GPR161: variants seen among roughly 807,000 people sequenced by gnomAD.
GPR161 encodes the protein G protein-coupled receptor 161.
In GPR161, 25 loss-of-function variants were observed where a neutral mutation model predicts 39.2. That is an observed-to-expected ratio of 0.64 (90% confidence interval 0.47 to 0.89). The LOEUF (loss-of-function observed/expected upper bound fraction) is 0.89, where lower values mean the gene tolerates loss of function less well. Ranked by LOEUF, GPR161 falls within the 40% of genes least tolerant of loss-of-function variation. The pLI, the probability that GPR161 is intolerant of heterozygous loss-of-function variation, is 0.00. For missense variants in GPR161, 547 were observed against 677.8 expected (o/e 0.81, Z 2.14); for synonymous variants, 286 against 276.6 (o/e 1.03, Z -0.34).
In GPR161 at chr1:168,104,693, T is replaced by C. The variant is rs1467071871; in HGVS notation, c.158A>G (p.Tyr53Cys). ...GAGGGTGAGGAGGTAGGACTTCTTGTACAAGGTGACCACGATGACCAGGTT... is the reference window on the plus strand; with the variant it reads ...GAGGGTGAGGAGGTAGGACTTCTTGCACAAGGTGACCACGATGACCAGGTT... The part of the protein sequence containing the change: ...LGNLVIVVTL[Y>C]KKSYLLTLSN... The change falls in exon 2 of 6, where the codon TAC becomes TGC. Residue 53 changes from tyrosine (Y) to cysteine (C), a missense_variant. Coordinates refer to ENST00000682931, the MANE Select transcript of GPR161 (RefSeq NM_001375883.1). The C allele has an allele frequency of 2.5e-6, 4 of 1,613,764 alleles. No individual in the cohort carries two copies. The highest frequency in any genetic ancestry group is 4.5e-5 in the East Asian group (2 of 44,880).
chr1:168,115,514 C>G (rs1025626144), intron 1 of GPR161, among the ~76,000 whole-genome samples: 1 of 152,122 alleles, frequency 6.6e-6, no homozygotes, highest in Admixed American at 6.5e-5. Context: ...CTCTTCACCC[C>G]CAGAGTGTGC....
upstream of GPR161, chr1:168,136,935 T>C (rs1410988027): frequency 3.2e-4 from 310 of 969,672 alleles, no homozygotes; most frequent in Non-Finnish European, 3.5e-4. Flanking sequence ...CCAAGTAACT[T>C]TGCGGCGCCC....
Position 168,084,964 on chromosome 1 carries a change from G to A in GPR161, c.*567C>T. ...ACTGAGGACCGCTCCGAAGCGCTCT[G>A]CTCCTGGGTGCTTTCTCTGCGGACC... On this transcript the variant is annotated 3_prime_UTR_variant, in exon 6 of 6. Transcript: ENST00000682931. 1 of 456,308 alleles carries A rather than the reference G, an allele frequency of 2.2e-6. No individual in the cohort carries two copies. Among genetic ancestry groups the A allele is most frequent in the Non-Finnish European group, 4.4e-6 (1 of 226,986 alleles). The allele number at this position is 456,308 out of a possible 1,614,324, so 28.3% of individuals were successfully genotyped here.
At chr1:168,100,232 A>C (rs920770053) in intron 2 of GPR161, among the ~76,000 whole-genome samples, 12 of 150,860 alleles carry the variant, frequency 8.0e-5, no homozygotes, top group African/African-American at 2.9e-4. Context: ...AAAAAAAAAA[A>C]AGGATATAGA....
At chr1:168,106,593 T>C (rs1344272863) in intron 1 of GPR161, among the ~76,000 whole-genome samples, 1 of 152,188 alleles carries the variant, frequency 6.6e-6, no homozygotes, top group East Asian at 1.9e-4. Flanking sequence ...TCTCAAAACA[T>C]TTTCTTGTAG....
At position 168,136,793 on chromosome 1, in the gene GPR161, G is replaced by A. The variant is rs1230258959; in HGVS notation, c.-99C>T. 3 of 983,554 alleles carry A rather than the reference G, an allele frequency of 3.1e-6. No homozygotes were observed. Among genetic ancestry groups the A allele is most frequent in the Middle Eastern group, 5.2e-4 (1 of 1,934 alleles). The allele number at this position is 983,554 out of a possible 1,614,324, so 60.9% of individuals were successfully genotyped here. ...CCCGGCCCAGCCGCCTCCCCGCCTC[G>A]GCCACCGCCGCCGCCGCTTCCTTCC... On this transcript the variant is annotated 5_prime_UTR_variant, in exon 1 of 6. Transcript: ENST00000682931.
chr1:168,100,660 A>T (rs763051057), intron 2 of GPR161, among the ~76,000 whole-genome samples: 1 of 152,178 alleles, frequency 6.6e-6, no homozygotes, highest in African/African-American at 2.4e-5. Flanking sequence ...CAGAAACAGA[A>T]TCTAAGCCAA....
At chr1:168,095,161 G>A (rs946941562) in intron 3 of GPR161, among the ~76,000 whole-genome samples, 1 of 152,144 alleles carries the variant, frequency 6.6e-6, no homozygotes, top group African/African-American at 2.4e-5. Context: ...CAAATTAAGG[G>A]GCAGTCTACA....
rs1375000764 is a variant in GPR161, at chr1:168,110,533, GAAAGGAAAGAAAAGAAAAGA to G, written c.-44-5659_-44-5640del. On this transcript the variant is annotated intron_variant, in intron 1 of 5. Coordinates refer to ENST00000682931, the MANE Select transcript of GPR161 (RefSeq NM_001375883.1). ...AGAAAAAAAAAAAAACGAAAGAAAG[GAAAGGAAAGAAAAGAAAAGA>G]AAAGAAAAGAAAAGAAAAGAAAAGA... 9.7e-3 allele frequency among the ~76,000 whole-genome samples: 591 copies of G among 61,160 alleles called. 28 individuals are homozygous for G. Among genetic ancestry groups the G allele is most frequent in the African/African-American group, 0.041 (538 of 13,026 alleles). 40.1% of individuals were successfully genotyped at this position (61,160 alleles called of 152,430 possible).
intron 1 of GPR161, chr1:168,134,769 ACCTG>A (rs1215407396): frequency 1.1e-5 from 8 of 704,344 alleles, no homozygotes; most frequent in African/African-American, 3.5e-5. Context: ...GCCCCACCGC[ACCTG>A]CAGCTGCCCC....
chr1:168,126,043 T>C (rs1698564066), intron 1 of GPR161, among the ~76,000 whole-genome samples: 3 of 152,214 alleles, frequency 2.0e-5, no homozygotes, highest in African/African-American at 7.2e-5. Flanking sequence ...GAAGACCAAA[T>C]AAATGAGGTT....
Position 168,122,158 on chromosome 1 carries a change from T to C in GPR161, c.-45+14581A>G, listed in dbSNP as rs1698227199. On this transcript the variant is annotated intron_variant, in intron 1 of 5. Coordinates refer to ENST00000682931, the MANE Select transcript of GPR161 (RefSeq NM_001375883.1). ...TTGAGTCTTTCACCTCTCAAGCTGC[T>C]CTTCCTGTGTTCCTCCTCATTCCAC... is the stretch of plus-strand genomic sequence containing the variant. Among the ~76,000 whole-genome samples the C allele has an allele frequency of 2.0e-5, 3 of 152,110 alleles. No homozygotes were observed. The South Asian group carries it at 6.2e-4, about 32-fold the overall frequency.
chr1:168,119,768 C>G (rs1698007471), intron 1 of GPR161, among the ~76,000 whole-genome samples: 2 of 152,148 alleles, frequency 1.3e-5, no homozygotes, highest in Non-Finnish European at 2.9e-5. Flanking sequence ...CCATGCTGTT[C>G]TCATGATAGT....
chr1:168,103,497 T>C (rs1219315999), intron 2 of GPR161, among the ~76,000 whole-genome samples: 1 of 151,902 alleles, frequency 6.6e-6, no homozygotes, highest in East Asian at 1.9e-4. Context: ...GCCTCCCCAG[T>C]GCAGCCACAA....
chr1:168,080,264 C>G lies in GPR161; in HGVS notation c.*5267G>C, dbSNP rs561754658. The stretch of plus-strand genomic sequence containing the variant: ...CCTAATAAAGCCCTGCTGGCCTGTT[C>G]TGTGATACTGATGACTCTTAACTAT... On this transcript the variant is annotated 3_prime_UTR_variant, in exon 6 of 6. Coordinates refer to ENST00000682931, the MANE Select transcript of GPR161 (RefSeq NM_001375883.1). The G allele has an allele frequency of 6.6e-6, 1 of 152,280 alleles. No homozygotes were observed. The highest frequency in any genetic ancestry group is 1.5e-5 in the Non-Finnish European group (1 of 68,032). The allele number at this position is 152,280 out of a possible 1,614,324, so 9.4% of individuals were successfully genotyped here. A position where few individuals can be genotyped will look rare whatever the true frequency, so the allele number is the denominator to read the frequency against.
chr1:168,115,486 T>C (rs1355474392), intron 1 of GPR161, among the ~76,000 whole-genome samples: 5 of 152,056 alleles, frequency 3.3e-5, no homozygotes. Context: ...ACTCTCCTCA[T>C]ATGGAAGCAT....
Position 168,082,967 on chromosome 1 carries a change from A to G in GPR161, c.*2564T>C, listed in dbSNP as rs1694178353. 1 of 152,184 alleles carries G rather than the reference A, an allele frequency of 6.6e-6. No individual in the cohort carries two copies. Among genetic ancestry groups the G allele is most frequent in the Admixed American group, 6.5e-5 (1 of 15,272 alleles). 9.4% of individuals were successfully genotyped at this position (152,184 alleles called of 1,614,324 possible). On this transcript the variant is annotated 3_prime_UTR_variant, in exon 6 of 6. Transcript: ENST00000682931. ...TCCTGAATATGGAAAATATGGTTCT[A>G]GCTGCCAAGCATCCTTCAAGACTTA...
At chr1:168,133,313 C>T (rs1420396357) in intron 1 of GPR161, among the ~76,000 whole-genome samples, 4 of 152,164 alleles carry the variant, frequency 2.6e-5, no homozygotes, top group Non-Finnish European at 5.9e-5. Flanking sequence ...GATAATTCTG[C>T]TTAAATAACC....
chr1:168,085,431 G>T lies in GPR161; in HGVS notation c.*100C>A. On this transcript the variant is annotated 3_prime_UTR_variant, in exon 6 of 6. Coordinates refer to ENST00000682931, the MANE Select transcript of GPR161 (RefSeq NM_001375883.1). ...GCTCCTTCCCTGTGTGTGGCCAGCT[G>T]TACACAGTGACATGCTCCCAAGGCC... 8.9e-7 allele frequency: 1 copy of T among 1,126,112 alleles called. No individual in the cohort carries two copies. The highest frequency in any genetic ancestry group is 1.3e-6 in the Non-Finnish European group (1 of 772,522). The allele number at this position is 1,126,112 out of a possible 1,614,324, so 69.8% of individuals were successfully genotyped here.
Sources: allele counts gnomAD v4.1 joint callset (sites outside exome capture counted in the v4.1 genomes callset), GRCh38; gene constraint gnomAD v4.1.1; transcripts MANE v1.5; gene names NCBI Gene and HGNC (gene_info 2026-07-23, HGNC 2026-07-21).